Variants in EYS observed in about 807,000 individuals in gnomAD.
EYS encodes the protein protein eyes shut homolog.
Under a neutral mutation model 282.1 loss-of-function variants are expected in EYS, and 250 were observed. The observed-to-expected ratio is 0.89, with a 90% CI of 0.80 to 0.98. The LOEUF is 0.98. EYS is among the 50% of genes least tolerant of loss of function. The probability of loss-of-function intolerance (pLI) is 0.00; values close to 1 mark genes in which losing one functional copy is unlikely to be tolerated. For missense variants in EYS, 4,016 were observed against 3,709.0 expected (o/e 1.08, Z -2.15); for synonymous variants, 1,355 against 1,282.9 (o/e 1.06, Z -1.20).
At chr6:64,148,233 GAA>G (rs1324611776) in intron 31 of EYS, among the ~76,000 whole-genome samples, 1 of 152,088 alleles carries the variant, frequency 6.6e-6, no homozygotes, top group Admixed American at 6.6e-5. Flanking sequence ...TGTATGTTTT[GAA>G]ATTATAGATA....
At chr6:63,996,907 C>G (rs999749383) in intron 34 of EYS, among the ~76,000 whole-genome samples, 4 of 152,114 alleles carry the variant, frequency 2.6e-5, no homozygotes, top group African/African-American at 9.7e-5. Flanking sequence ...CAAATTAATA[C>G]AGGTGTTTTT....
At chr6:64,636,321 C>G (rs1562104595) in intron 22 of EYS, among the ~76,000 whole-genome samples, 2 of 152,064 alleles carry the variant, frequency 1.3e-5, no homozygotes, top group Admixed American at 6.5e-5. Flanking sequence ...ACAAATCTGA[C>G]AAAAACAAGA....
chr6:63,761,896 T>C (rs1769652397), intron 41 of EYS, among the ~76,000 whole-genome samples: 1 of 152,076 alleles, frequency 6.6e-6, no homozygotes, highest in Admixed American at 6.6e-5. Context: ...GTAGCTCAGA[T>C]CTAGAAATAC....
intron 19 of EYS, among the ~76,000 whole-genome samples, chr6:64,867,989 C>G (rs986023283): frequency 2.0e-5 from 3 of 151,022 alleles, no homozygotes; most frequent in African/African-American, 7.3e-5. Flanking sequence ...TAATTAAAAC[C>G]CTTGTATATC....
intron 31 of EYS, among the ~76,000 whole-genome samples, chr6:64,205,943 C>A (rs999384377): frequency 1.3e-5 from 2 of 151,976 alleles, no homozygotes; most frequent in Admixed American, 6.6e-5. Context: ...AAAGTATACT[C>A]TATTTTTTAG....
At chr6:65,169,997 C>CTTCTTCTCTTCTAA (rs1281512560) in intron 12 of EYS, among the ~76,000 whole-genome samples, 1 of 151,480 alleles carries the variant, frequency 6.6e-6, no homozygotes, top group Non-Finnish European at 1.5e-5. Flanking sequence ...TATTGTAGTG[C>CTTCTTCTCTTCTAA]AATCTTCTAA....
At chr6:65,393,316 A>T (rs953581805) in intron 7 of EYS, among the ~76,000 whole-genome samples, 1 of 152,020 alleles carries the variant, frequency 6.6e-6, no homozygotes, top group South Asian at 2.1e-4. Context: ...AAAACTTAAA[A>T]TATAATTTAA....
intron 26 of EYS, among the ~76,000 whole-genome samples, chr6:64,567,005 C>G (rs929961105): frequency 2.6e-5 from 4 of 152,112 alleles, no homozygotes; most frequent in Non-Finnish European, 4.4e-5. Flanking sequence ...GAACTCCTGA[C>G]CTCAGGTGAT....
chr6:64,704,568 T>TAATAATATTA (rs1583061209), intron 22 of EYS, among the ~76,000 whole-genome samples: 1 of 97,478 alleles, frequency 1.0e-5, no homozygotes, highest in East Asian at 3.2e-4. Context: ...AATACTCTCA[T>TAATAATATTA]TGAAAGTAGA....
intron 26 of EYS, among the ~76,000 whole-genome samples, chr6:64,502,537 T>C (rs1777089306): frequency 6.6e-6 from 1 of 152,194 alleles, no homozygotes; most frequent in Admixed American, 6.5e-5. Context: ...CTGGTGTTTT[T>C]TTAAGGTTAA....
intron 37 of EYS, among the ~76,000 whole-genome samples, chr6:63,790,222 A>G (rs1224869112): frequency 6.6e-6 from 1 of 152,192 alleles, no homozygotes; most frequent in African/African-American, 2.4e-5. Flanking sequence ...CTGCATTTAT[A>G]GGAATGATGC....
intron 2 of EYS, among the ~76,000 whole-genome samples, chr6:65,560,296 T>A (rs1259033787): frequency 7.2e-6 from 1 of 139,748 alleles, no homozygotes; most frequent in Non-Finnish European, 1.5e-5. Context: ...TAATATAACA[T>A]ATAATAATAT....
intron 30 of EYS, among the ~76,000 whole-genome samples, chr6:64,252,314 CTCTT>C (rs571243048): frequency 1.3e-5 from 2 of 152,008 alleles, no homozygotes; most frequent in Non-Finnish European, 2.9e-5. Context: ...ATCCTTTTTC[CTCTT>C]TCTATCTCCA....
intron 29 of EYS, among the ~76,000 whole-genome samples, chr6:64,325,598 G>C (rs1770385956): frequency 6.6e-6 from 1 of 152,182 alleles, no homozygotes; most frequent in Non-Finnish European, 1.5e-5. Context: ...GAATTCAGGA[G>C]GTAAGTTATT....
chr6:64,370,112 C>T (rs1490997522), intron 29 of EYS, among the ~76,000 whole-genome samples: 3 of 151,980 alleles, frequency 2.0e-5, no homozygotes, highest in Non-Finnish European at 4.4e-5. Flanking sequence ...TGCCAGTTTT[C>T]AAGGGGATTA....
At chr6:63,827,312 A>G (rs1407256812) in intron 36 of EYS, among the ~76,000 whole-genome samples, 3 of 152,242 alleles carry the variant, frequency 2.0e-5, no homozygotes, top group Admixed American at 6.5e-5. Flanking sequence ...ACAGTCAGCA[A>G]CACAATAATA....
At chr6:64,169,431 G>GTTTTTT (rs35657029) in intron 31 of EYS, among the ~76,000 whole-genome samples, 41 of 140,984 alleles carry the variant, frequency 2.9e-4, no homozygotes, top group African/African-American at 1.1e-3. Flanking sequence ...TTGAGGAGGA[G>GTTTTTT]TTTTTTTTTT....
intron 4 of EYS, among the ~76,000 whole-genome samples, chr6:65,493,506 C>A (rs1766123717): frequency 1.3e-5 from 2 of 152,134 alleles, no homozygotes; most frequent in South Asian, 4.1e-4. Flanking sequence ...CCAGGTCTGT[C>A]AAACCCTCAA....
chr6:65,357,289 G>A (rs1764522512), intron 8 of EYS, among the ~76,000 whole-genome samples: 1 of 151,942 alleles, frequency 6.6e-6, no homozygotes, highest in Non-Finnish European at 1.5e-5. Flanking sequence ...GGTAACTGGT[G>A]TTGCTTTGAT....
Sources: allele counts gnomAD v4.1 joint callset (sites outside exome capture counted in the v4.1 genomes callset), GRCh38; gene constraint gnomAD v4.1.1; transcripts MANE v1.5; gene names NCBI Gene and HGNC (gene_info 2026-07-23, HGNC 2026-07-21).